The following BARX2 variants were observed in gnomAD, a reference collection of about 807,000 sequenced individuals.
The protein encoded by BARX2 is homeobox protein BarH-like 2.
BARX2 carries 11 observed loss-of-function variants against 25.5 expected under a neutral mutation model. The observed-to-expected ratio is 0.43, with a 90% CI of 0.27 to 0.71. The LOEUF (loss-of-function observed/expected upper bound fraction) is 0.71, where lower values mean the gene tolerates loss of function less well. BARX2 is among the 30% of genes least tolerant of loss of function. BARX2 has a pLI of 0.19. For missense variants in BARX2, 360 were observed against 359.9 expected (o/e 1.00, Z 0.00); for synonymous variants, 137 against 149.5 (o/e 0.92, Z 0.61).
chr11:129,388,424 G>A (rs1242798322), intron 1 of BARX2, among the ~76,000 whole-genome samples: 1 of 152,140 alleles, frequency 6.6e-6, no homozygotes, highest in East Asian at 1.9e-4. Context: ...ACCAATCTCT[G>A]GGTCACGGTG....
chr11:129,443,397 G>A (rs1020018939), intron 3 of BARX2, among the ~76,000 whole-genome samples: 9 of 152,012 alleles, frequency 5.9e-5, no homozygotes, highest in African/African-American at 1.7e-4. Flanking sequence ...AGTACTCTTT[G>A]TTTATAATGA....
rs142425187 is a variant in BARX2 at position 129,390,110 on chromosome 11, G to A, written c.187+13888G>A. Among the ~76,000 whole-genome samples, 4 of 152,124 alleles carry A rather than the reference G, an allele frequency of 2.6e-5. No homozygotes were observed. The highest frequency in any genetic ancestry group is 6.5e-5 in the Admixed American group (1 of 15,276). On this transcript the variant is annotated intron_variant, in intron 1 of 3. Coordinates refer to ENST00000281437, the MANE Select transcript of BARX2 (RefSeq NM_003658.5). This position sits in a 1 kb window ranked among gnomAD's most constrained non-coding sequence, Gnocchi z 4.3. ...ACTTTAATTGATGAATCCCCTCCAC[G>A]GTGTGAGAAGAATTCTCTTGATGAG...
At chr11:129,405,205 A>G (rs1861817998) in intron 1 of BARX2, among the ~76,000 whole-genome samples, 1 of 152,188 alleles carries the variant, frequency 6.6e-6, no homozygotes, top group Admixed American at 6.5e-5. Flanking sequence ...ACTACAGCAC[A>G]ATAAAATAAC....
Position 129,444,898 on chromosome 11 carries a change from G to C in BARX2, c.573+1979G>C, listed in dbSNP as rs566967904. On this transcript the variant is annotated intron_variant, in intron 3 of 3. Transcript: ENST00000281437. ...TGCCTGTAATCCCAGCGACTTGGGAGGCTGAGGCCAGAGAATCACTTGAAT... is the reference window on the plus strand; with the variant it reads ...TGCCTGTAATCCCAGCGACTTGGGACGCTGAGGCCAGAGAATCACTTGAAT... Among the ~76,000 whole-genome samples, 11 of 152,270 alleles carry C rather than the reference G, an allele frequency of 7.2e-5. No homozygotes were observed. In the South Asian group the frequency reaches 2.3e-3, roughly 32 times the overall value.
intron 1 of BARX2, among the ~76,000 whole-genome samples, chr11:129,431,556 A>G (rs1013756654): frequency 2.0e-5 from 3 of 152,174 alleles, no homozygotes; most frequent in African/African-American, 4.8e-5. Flanking sequence ...GAATCTTTTC[A>G]TGTGCTAATT....
At chr11:129,387,956 G>A (rs1223859460) in intron 1 of BARX2, among the ~76,000 whole-genome samples, 1 of 152,152 alleles carries the variant, frequency 6.6e-6, no homozygotes, top group African/African-American at 2.4e-5. Context: ...AAATGGGAAC[G>A]GGGTCACACG....
At chr11:129,392,826 GTCTTGAAC>G (rs1020055065) in intron 1 of BARX2, among the ~76,000 whole-genome samples, 18 of 152,190 alleles carry the variant, frequency 1.2e-4, no homozygotes, top group African/African-American at 4.3e-4. Flanking sequence ...GCCCAGGCTG[GTCTTGAAC>G]TCTTGGCCTC....
Position 129,435,640 on chromosome 11 carries a change from T to A in BARX2, c.188-1111T>A, listed in dbSNP as rs549703712. 3.2e-4 allele frequency among the ~76,000 whole-genome samples: 48 copies of A among 152,246 alleles called. 1 individual carries two copies. The South Asian group carries it at 9.7e-3, about 31-fold the overall frequency. ...GATATCAAATGGGGAGGATGAGAGG[T>A]CCTTTCGTGGCATCAGTATATTAGA... On this transcript the variant is annotated intron_variant, in intron 1 of 3. Transcript: ENST00000281437.
chr11:129,400,971 T>C (rs1297147625), intron 1 of BARX2, among the ~76,000 whole-genome samples: 1 of 152,100 alleles, frequency 6.6e-6, no homozygotes, highest in Non-Finnish European at 1.5e-5. Context: ...TCCAATGAGA[T>C]AAAGACTGAA....
intron 1 of BARX2, among the ~76,000 whole-genome samples, chr11:129,410,325 A>G (rs1489736819): frequency 1.3e-5 from 2 of 152,210 alleles, no homozygotes; most frequent in African/African-American, 4.8e-5. Flanking sequence ...TTTTGAAATC[A>G]CATACTATTT....
Position 129,436,755 on chromosome 11 carries a change from C to G in BARX2, c.192C>G (p.Ser64=), listed in dbSNP as rs1266452831. The change falls in exon 2 of 4, where the codon TCC becomes TCG. Residue 64 remains serine (S), a synonymous_variant. Coordinates refer to ENST00000281437, the MANE Select transcript of BARX2 (RefSeq NM_003658.5). This position sits in a 1 kb window ranked among gnomAD's most constrained non-coding sequence, Gnocchi z 4.5. ...GCCTCCCTGCTTGTTTTCCAGGCTC[C>G]CCTTCCCTGCGGGCATATCCGCTCC... ...RPKPLHSCTG[S]PSLRAYPLLS... 8.9e-6 allele frequency: 14 copies of G among 1,569,314 alleles called. No homozygotes were observed. The highest frequency in any genetic ancestry group is 1.2e-5 in the Non-Finnish European group (14 of 1,152,486).
intron 3 of BARX2, among the ~76,000 whole-genome samples, chr11:129,449,961 T>C (rs1211387983): frequency 6.6e-6 from 1 of 152,124 alleles, no homozygotes; most frequent in Admixed American, 6.5e-5. Context: ...GGAGGGCGGA[T>C]GGTATATATA....
chr11:129,445,528 G>GTAACT (rs1432106591), intron 3 of BARX2, among the ~76,000 whole-genome samples: 32 of 152,280 alleles, frequency 2.1e-4, no homozygotes, highest in Non-Finnish European at 4.4e-5. Context: ...AAATGGAAGA[G>GTAACT]TAACTTAGCA....
intron 1 of BARX2, among the ~76,000 whole-genome samples, chr11:129,380,148 T>C (rs548898005): frequency 1.4e-4 from 21 of 152,098 alleles, no homozygotes; most frequent in African/African-American, 4.6e-4. Context: ...TACTCAGAAA[T>C]CAGGAAGACT....
intron 1 of BARX2, among the ~76,000 whole-genome samples, chr11:129,421,066 G>A (rs1254640080): frequency 6.6e-6 from 1 of 152,150 alleles, no homozygotes. Context: ...GACAGGATTT[G>A]GCTCCGTGCA....
chr11:129,414,696 A>T (rs901517428), intron 1 of BARX2, among the ~76,000 whole-genome samples: 1 of 152,214 alleles, frequency 6.6e-6, no homozygotes, highest in African/African-American at 2.4e-5. Flanking sequence ...GAGCCTGTTG[A>T]TGGCTCTGTT....
rs1363738805 is a variant in BARX2 at position 129,436,731 on chromosome 11, C to G, written c.188-20C>G. ...CCACACCGTTCCCTGTGGTGACCTG[C>G]CTCCCTGCTTGTTTTCCAGGCTCCC... On this transcript the variant is annotated intron_variant, in intron 1 of 3. Transcript: ENST00000281437. This position sits in a 1 kb window ranked among gnomAD's most constrained non-coding sequence, Gnocchi z 4.5. 1 of 1,543,748 alleles carries G rather than the reference C, an allele frequency of 6.5e-7. No homozygotes were observed. The highest frequency in any genetic ancestry group is 8.8e-7 in the Non-Finnish European group (1 of 1,140,536).
At chr11:129,395,999 G>A (rs1861716563) in intron 1 of BARX2, among the ~76,000 whole-genome samples, 1 of 152,092 alleles carries the variant, frequency 6.6e-6, no homozygotes, top group Non-Finnish European at 1.5e-5. Context: ...CAGAAAGCCA[G>A]GAAACACAAT....
intron 1 of BARX2, among the ~76,000 whole-genome samples, chr11:129,394,017 G>A (rs920413539): frequency 3.9e-5 from 6 of 151,902 alleles, no homozygotes; most frequent in Non-Finnish European, 7.4e-5. Context: ...GATGCTGTCT[G>A]CGTCTCTCCC....
Sources: gnomAD v4.1 joint callset for allele counts (sites outside exome capture counted in the v4.1 genomes callset) on GRCh38, gnomAD v4.1.1 for gene constraint, Gnocchi (gnomAD v3.1) non-coding constraint, MANE v1.5 for transcripts, NCBI Gene and HGNC (gene_info 2026-07-23, HGNC 2026-07-21) for gene names.